ADAM12: variants seen among roughly 807,000 people sequenced by gnomAD.
ADAM12 encodes disintegrin and metalloproteinase domain-containing protein 12.
A neutral mutation model predicts 106.4 loss-of-function variants in ADAM12; 70 were observed. That is an observed-to-expected ratio of 0.66 (90% CI 0.54 to 0.80). The LOEUF (loss-of-function observed/expected upper bound fraction) is 0.80, where lower values mean the gene tolerates loss of function less well. Among genes scored for constraint, ADAM12 ranks in the 30% least tolerant of loss-of-function variants. ADAM12 has a pLI of 0.00. For missense variants in ADAM12, 1,010 were observed against 1,171.9 expected (o/e 0.86, Z 2.02); for synonymous variants, 420 against 433.5 (o/e 0.97, Z 0.39).
chr10:126,096,024 G>A lies in ADAM12; in HGVS notation c.997-1891C>T, dbSNP rs893483488. 3.3e-5 allele frequency among the ~76,000 whole-genome samples: 5 copies of A among 152,176 alleles called. 1 individual carries two copies. The highest frequency in any genetic ancestry group is 7.3e-5 in the Non-Finnish European group (5 of 68,030). On this transcript the variant is annotated intron_variant, in intron 10 of 22. Transcript: ENST00000448723. ...GAGGCTTCTGTCTAAGAAAACAATA[G>A]CATATCAAGGAACCAAGATAATCTT...
At chr10:126,025,988 T>C (rs1564994258) in intron 21 of ADAM12, among the ~76,000 whole-genome samples, 2 of 152,150 alleles carry the variant, frequency 1.3e-5, no homozygotes, top group Non-Finnish European at 2.9e-5. Flanking sequence ...CTAGAAGAGC[T>C]TGGGGACCAA....
intron 5 of ADAM12, among the ~76,000 whole-genome samples, chr10:126,134,740 G>A (rs1024421675): frequency 2.6e-5 from 4 of 152,182 alleles, no homozygotes; most frequent in East Asian, 1.9e-4. Context: ...CTGCAAAGAC[G>A]TCACAGGAAC....
rs56953453 is a variant in ADAM12, at chr10:126,157,021, GT to G, written c.261-1717del. ...CACTCTTCACACCGTTTGGTTTTGTGTGTGTGTGTGTGGGGGGGTGCTCCTC... is the reference window on the plus strand; with the variant it reads ...CACTCTTCACACCGTTTGGTTTTGTGGTGTGTGTGTGGGGGGGTGCTCCTC... On this transcript the variant is annotated intron_variant, in intron 3 of 22. Transcript: ENST00000448723. Among the ~76,000 whole-genome samples, 650 of 151,818 alleles carry G rather than the reference GT, an allele frequency of 4.3e-3. 7 individuals are homozygous for G. The highest frequency in any genetic ancestry group is 0.018 in the South Asian group (87 of 4,808).
intron 4 of ADAM12, among the ~76,000 whole-genome samples, chr10:126,138,891 T>G (rs1956458330): frequency 6.6e-6 from 1 of 152,226 alleles, no homozygotes; most frequent in South Asian, 2.1e-4. Context: ...AATTTTTGTA[T>G]GTAGCTTGAA....
At chr10:126,212,891 C>CA (rs1565142513) in intron 3 of ADAM12, among the ~76,000 whole-genome samples, 1 of 151,432 alleles carries the variant, frequency 6.6e-6, no homozygotes, top group Admixed American at 6.6e-5. Context: ...GTCAGAGTAA[C>CA]TTTTTTTTTC....
rs114880388 is a variant in ADAM12 at position 126,325,193 on chromosome 10, G to A, written c.186+5219C>T. 5.8e-3 allele frequency among the ~76,000 whole-genome samples: 891 copies of A among 152,338 alleles called. 7 individuals are homozygous for A. The highest frequency in any genetic ancestry group is 0.021 in the African/African-American group (855 of 41,578). On this transcript the variant is annotated intron_variant, in intron 2 of 22. Transcript: ENST00000448723. ...GGAGCCCAAAGAAGAGAGGAGTTCA[G>A]AGGAGGAGAGGGAATGGGTATCAAG... is the stretch of plus-strand genomic sequence containing the variant.
intron 14 of ADAM12, among the ~76,000 whole-genome samples, chr10:126,051,487 ACCC>A (rs1236841276): frequency 1.5e-5 from 2 of 135,176 alleles, no homozygotes; most frequent in Non-Finnish European, 1.6e-5. Context: ...CCAGCCAGCC[ACCC>A]GTCCATCCAC....
Position 126,043,171 on chromosome 10 carries a change from C to T in ADAM12, c.1996-23G>A, listed in dbSNP as rs78012616. Reference sequence around the variant, plus strand: ...CACCTTTCAGGGCAGAGGGGAGGGACGTGGGGTTAGGGCATATGCTCTGTG... The same window carrying T: ...CACCTTTCAGGGCAGAGGGGAGGGATGTGGGGTTAGGGCATATGCTCTGTG... On this transcript the variant is annotated intron_variant, in intron 17 of 22. Coordinates refer to ENST00000448723, the MANE Select transcript of ADAM12 (RefSeq NM_001288973.2). This position sits in a 1 kb window ranked among gnomAD's most constrained non-coding sequence, Gnocchi z 4.1. 0.032 allele frequency: 51,692 copies of T among 1,609,758 alleles called. 1,078 individuals carry two copies. The highest frequency in any genetic ancestry group is 0.062 in the South Asian group (5,613 of 90,594).
At chr10:126,161,607 G>A (rs1431783166) in intron 3 of ADAM12, among the ~76,000 whole-genome samples, 3 of 152,234 alleles carry the variant, frequency 2.0e-5, no homozygotes, top group Non-Finnish European at 4.4e-5. Context: ...CGGGCTTTCT[G>A]CTCCTTCCTG....
intron 3 of ADAM12, among the ~76,000 whole-genome samples, chr10:126,211,716 C>A (rs1253351068): frequency 6.6e-6 from 1 of 152,112 alleles, no homozygotes; most frequent in Non-Finnish European, 1.5e-5. Flanking sequence ...GCCTCCTGGA[C>A]CATGTGATGC....
At chr10:126,061,466 C>G (rs1954754359) in intron 14 of ADAM12, among the ~76,000 whole-genome samples, 1 of 152,200 alleles carries the variant, frequency 6.6e-6, no homozygotes. Context: ...ACATCCTTGT[C>G]TAAAACCTAT....
chr10:126,261,557 G>A (rs187027149), intron 3 of ADAM12, among the ~76,000 whole-genome samples: 19 of 152,184 alleles, frequency 1.2e-4, no homozygotes, highest in Non-Finnish European at 2.1e-4. Flanking sequence ...TGTGTAAAAC[G>A]GTGGTGGATT....
chr10:126,100,930 CT>C (rs1955652337), intron 9 of ADAM12, 141 bp downstream of exon 9: 4 of 816,390 alleles, frequency 4.9e-6, no homozygotes, highest in Non-Finnish European at 7.4e-6. Context: ...ATCTGCCCCC[CT>C]GGTGTGAGCT....
At chr10:126,071,787 A>G in intron 11 of ADAM12, 133 bp from the exon 12 acceptor site, 1 of 932,926 alleles carries the variant, frequency 1.1e-6, no homozygotes, top group Non-Finnish European at 1.6e-6. Context: ...TGAACAATGC[A>G]TATCAAAAAA....
chr10:126,274,299 C>T (rs1254431815), intron 3 of ADAM12, among the ~76,000 whole-genome samples: 1 of 152,104 alleles, frequency 6.6e-6, no homozygotes, highest in Admixed American at 6.6e-5. Context: ...TTTGGCTGTG[C>T]CCCACCCTGT....
At chr10:126,387,622 G>A (rs1310969468) in intron 1 of ADAM12, among the ~76,000 whole-genome samples, 1 of 150,820 alleles carries the variant, frequency 6.6e-6, no homozygotes, top group Admixed American at 6.5e-5. Context: ...TGTGTTAGCG[G>A]GGGAGGCGGG....
At chr10:126,203,706 C>T (rs1590614381) in intron 3 of ADAM12, among the ~76,000 whole-genome samples, 1 of 152,170 alleles carries the variant, frequency 6.6e-6, no homozygotes, top group Admixed American at 6.5e-5. Context: ...TAAAATTTTC[C>T]TTCCTACTCC....
chr10:126,262,167 C>T (rs1226255529), intron 3 of ADAM12, among the ~76,000 whole-genome samples: 1 of 151,982 alleles, frequency 6.6e-6, no homozygotes, highest in African/African-American at 2.4e-5. Flanking sequence ...TTTGTAATAT[C>T]ATATAATATA....
intron 5 of ADAM12, among the ~76,000 whole-genome samples, chr10:126,121,077 T>C (rs1163776542): frequency 1.1e-5 from 1 of 92,710 alleles, no homozygotes; most frequent in Admixed American, 1.4e-4. Flanking sequence ...AAATATATTA[T>C]ATATTAGATG....
Sources: allele counts gnomAD v4.1 joint callset (sites outside exome capture counted in the v4.1 genomes callset), GRCh38; gene constraint gnomAD v4.1.1; non-coding constraint Gnocchi (gnomAD v3.1); transcripts MANE v1.5; gene names NCBI Gene and HGNC (gene_info 2026-07-23, HGNC 2026-07-21).